MMP26: variants seen among roughly 807,000 people sequenced by gnomAD.
MMP26 encodes the protein matrix metallopeptidase 26, also known as matrix metalloproteinase-26.
Under a neutral mutation model 31.0 loss-of-function variants are expected in MMP26, and 33 were observed. The ratio of observed to expected loss-of-function variants is 1.06; its 90% CI spans 0.81 to 1.42. MMP26 has a LOEUF of 1.42. MMP26 is among the 40% of genes most tolerant of loss of function. The pLI is 0.00. For synonymous variants in MMP26, 122 were observed against 114.9 expected, an observed-to-expected ratio of 1.06 and a Z score of -0.40; for missense variants, 347 against 316.1, an observed-to-expected ratio of 1.10 and a Z score of -0.74.
At chr11:4,729,115 T>C (rs1238090842) in intron 1 of MMP26, among the ~76,000 whole-genome samples, 2 of 151,788 alleles carry the variant, frequency 1.3e-5, no homozygotes, top group Non-Finnish European at 1.5e-5. Flanking sequence ...TTTCATTAAA[T>C]ATTAAATATT....
chr11:4,782,986 G>A (rs868800487), intron 2 of MMP26, among the ~76,000 whole-genome samples: 1 of 152,226 alleles, frequency 6.6e-6, no homozygotes, highest in Non-Finnish European at 1.5e-5. Context: ...GAAGTTGGCT[G>A]TAGGGGTGGG....
intron 1 of MMP26, among the ~76,000 whole-genome samples, chr11:4,745,947 T>C (rs1184379798): frequency 6.6e-6 from 1 of 152,212 alleles, no homozygotes; most frequent in African/African-American, 2.4e-5. Context: ...CTAATTTTAA[T>C]GCCGAATAAT....
chr11:4,755,793 T>C (rs924800307), intron 1 of MMP26, among the ~76,000 whole-genome samples: 16 of 151,968 alleles, frequency 1.1e-4, no homozygotes, highest in African/African-American at 3.6e-4. Flanking sequence ...GCAAGCCCCA[T>C]ACATAGCTTT....
intron 1 of MMP26, among the ~76,000 whole-genome samples, chr11:4,758,659 G>GTAAAA (rs1201674549): frequency 3.3e-5 from 5 of 151,886 alleles, no homozygotes; most frequent in Non-Finnish European, 7.4e-5. Flanking sequence ...AACTGTAGAG[G>GTAAAA]TAAACATTGA....
intron 2 of MMP26, among the ~76,000 whole-genome samples, chr11:4,941,202 T>G (rs1366568755): frequency 1.3e-5 from 2 of 152,212 alleles, no homozygotes; most frequent in Non-Finnish European, 2.9e-5. Context: ...TTTATGTACA[T>G]TTACACTACC....
intron 2 of MMP26, among the ~76,000 whole-genome samples, chr11:4,790,330 C>T (rs1181586387): frequency 6.6e-6 from 1 of 152,168 alleles, no homozygotes; most frequent in Admixed American, 6.5e-5. Context: ...GCCTGGGCAA[C>T]AGAGTGAGAC....
intron 1 of MMP26, chr11:4,710,305 A>G (rs1263498745): frequency 2.2e-6 from 1 of 456,570 alleles, no homozygotes; most frequent in African/African-American, 2.0e-5. Flanking sequence ...TGTGTCTCTC[A>G]CATCAGTGCA....
chr11:4,986,932 C>CTCTCCCTCCCTCTCTCTCT lies in MMP26; in HGVS notation c.-144-1136_-144-1135insTCTCCCTCCCTCTCTCTCT. 3.3e-5 allele frequency among the ~76,000 whole-genome samples: 2 copies of CTCTCCCTCCCTCTCTCTCT among 60,448 alleles called. 1 individual carries two copies. Among genetic ancestry groups the CTCTCCCTCCCTCTCTCTCT allele is most frequent in the Admixed American group, 4.1e-4 (2 of 4,918 alleles). The allele number at this position is 60,448 out of a possible 152,430, so 39.7% of individuals were successfully genotyped here. Reference sequence around the variant, plus strand: ...CTCTCTCTCTCTCTCTCTCTCTCTCCCTCTCTCTCTCTCTCTCTCTCTCTC... The same window carrying CTCTCCCTCCCTCTCTCTCT: ...CTCTCTCTCTCTCTCTCTCTCTCTCCTCTCCCTCCCTCTCTCTCTCTCTCTCTCTCTCTCTCTCTCTCTC... On this transcript the variant is annotated intron_variant, in intron 2 of 7. Transcript: ENST00000380390.
At chr11:4,891,013 A>C (rs143483189) in intron 2 of MMP26, among the ~76,000 whole-genome samples, 2,581 of 147,950 alleles carry the variant, frequency 0.017, 36 homozygotes, top group Non-Finnish European at 0.028. Context: ...TAATAATAAT[A>C]ATAATAATAA....
chr11:4,876,124 T>C (rs1165954587), intron 2 of MMP26: 1 of 152,128 alleles, frequency 6.6e-6, no homozygotes, highest in African/African-American at 2.4e-5. Flanking sequence ...TATCTGCACA[T>C]CTGTGTTTAT....
chr11:4,841,267 A>G (rs928235886), intron 2 of MMP26, among the ~76,000 whole-genome samples: 3 of 152,208 alleles, frequency 2.0e-5, no homozygotes, highest in Non-Finnish European at 2.9e-5. Flanking sequence ...AGAGATAATA[A>G]CAGAGAACAT....
At chr11:4,934,878 A>C (rs1436476006) in intron 2 of MMP26, among the ~76,000 whole-genome samples, 1 of 151,256 alleles carries the variant, frequency 6.6e-6, no homozygotes, top group East Asian at 1.9e-4. Context: ...CAAAGATCAG[A>C]TAGTTGTAGG....
At chr11:4,758,792 G>A (rs748089004) in intron 1 of MMP26, among the ~76,000 whole-genome samples, 4 of 152,044 alleles carry the variant, frequency 2.6e-5, no homozygotes, top group Admixed American at 6.6e-5. Flanking sequence ...ATTGAATAAT[G>A]TGTTTACTAT....
At chr11:4,836,728 C>T (rs1163359999) in intron 2 of MMP26, among the ~76,000 whole-genome samples, 1 of 131,002 alleles carries the variant, frequency 7.6e-6, no homozygotes, top group Non-Finnish European at 1.5e-5. Context: ...GGTGCAATCT[C>T]TGCCCACTGC....
At chr11:4,854,259 C>G (rs1267575894) in intron 2 of MMP26, among the ~76,000 whole-genome samples, 1 of 152,214 alleles carries the variant, frequency 6.6e-6, no homozygotes. Flanking sequence ...TGAAACAGGG[C>G]GGGGCATCGC....
At chr11:4,879,817 G>T (rs551592491) in intron 2 of MMP26, among the ~76,000 whole-genome samples, 1 of 152,250 alleles carries the variant, frequency 6.6e-6, no homozygotes, top group East Asian at 1.9e-4. Context: ...GGCCAGGAGA[G>T]TAATGAGACC....
intron 2 of MMP26, among the ~76,000 whole-genome samples, chr11:4,905,935 T>G (rs191589512): frequency 6.6e-6 from 1 of 152,276 alleles, no homozygotes; most frequent in African/African-American, 2.4e-5. Flanking sequence ...CCAACAGAAA[T>G]TGGGTGGTTT....
intron 2 of MMP26, among the ~76,000 whole-genome samples, chr11:4,900,595 A>G (rs1177025622): frequency 1.3e-5 from 2 of 152,198 alleles, no homozygotes; most frequent in Admixed American, 6.5e-5. Flanking sequence ...ATCAGAATCT[A>G]GCTGATATAA....
rs1301114761 is a variant in MMP26, at chr11:4,822,253, A to G, written c.-145+54912A>G. 5 of 1,570,832 alleles carry G rather than the reference A, an allele frequency of 3.2e-6. No homozygotes were observed. In the East Asian group the frequency reaches 6.7e-5, roughly 21 times the overall value. On this transcript the variant is annotated intron_variant, in intron 2 of 7. Coordinates refer to ENST00000380390, the MANE Select transcript of MMP26 (RefSeq NM_021801.5). ...AGCACCTCCATTTGTCCACATCATC[A>G]TGGCCAATGTCTTTCTGCTAATCCC...
Sources: gnomAD v4.1 joint callset for allele counts (sites outside exome capture counted in the v4.1 genomes callset) on GRCh38, gnomAD v4.1.1 for gene constraint, MANE v1.5 for transcripts, NCBI Gene and HGNC (gene_info 2026-07-23, HGNC 2026-07-21) for gene names.